Variants in XPO5 observed in about 807,000 individuals in gnomAD.
XPO5 encodes exportin 5.
XPO5 carries 46 observed loss-of-function variants against 160.6 expected under a neutral mutation model. The ratio of observed to expected loss-of-function variants is 0.29; its 90% confidence interval spans 0.23 to 0.37. The LOEUF is 0.37. Ranked by LOEUF, XPO5 falls within the 10% of genes least tolerant of loss-of-function variation. The pLI, the probability that XPO5 is intolerant of heterozygous loss-of-function variation, is 1.00. For missense variants in XPO5, 1,090 were observed against 1,463.9 expected (o/e 0.74, Z 4.17); for synonymous variants, 537 against 519.3 (o/e 1.03, Z -0.46).
chr6:43,557,878 C>T (rs1762187274), intron 12 of XPO5, among the ~76,000 whole-genome samples: 1 of 150,598 alleles, frequency 6.6e-6, no homozygotes, highest in South Asian at 2.1e-4. Flanking sequence ...GGCAGATGAC[C>T]TGAGGTCGGG....
intron 22 of XPO5, 48 bp from the exon 23 acceptor site, chr6:43,530,872 G>C (rs1395358332): frequency 1.3e-6 from 2 of 1,583,940 alleles, no homozygotes; most frequent in South Asian, 1.2e-5. Flanking sequence ...TCCAACATCT[G>C]TTACTGCCAG....
At chr6:43,571,892 A>G (rs963420973) in intron 3 of XPO5, among the ~76,000 whole-genome samples, 14 of 152,006 alleles carry the variant, frequency 9.2e-5, no homozygotes, top group African/African-American at 3.2e-4. Flanking sequence ...TTAGTATCAC[A>G]TAGTAGTTGT....
At chr6:43,562,157 T>C in intron 9 of XPO5, 90 bp downstream of exon 9, 6 of 997,774 alleles carry the variant, frequency 6.0e-6, no homozygotes, top group Non-Finnish European at 4.6e-6. Flanking sequence ...CTAAAATCAA[T>C]GACATTTGCA....
chr6:43,551,715 T>G (rs1022721858), intron 14 of XPO5, among the ~76,000 whole-genome samples: 4 of 151,886 alleles, frequency 2.6e-5, no homozygotes, highest in African/African-American at 7.3e-5. Flanking sequence ...TGTAGAGATG[T>G]TGTAGAAGTG....
chr6:43,539,047 G>A (rs1476809272), intron 20 of XPO5: 33 of 1,540,968 alleles, frequency 2.1e-5, no homozygotes, highest in Middle Eastern at 2.3e-4. Flanking sequence ...AGCAGTCATC[G>A]ATACCAGCCA....
At chr6:43,569,774 G>C (rs1166751350) in intron 5 of XPO5, among the ~76,000 whole-genome samples, 1 of 150,402 alleles carries the variant, frequency 6.6e-6, no homozygotes, top group Non-Finnish European at 1.5e-5. Context: ...AAGAACTTCT[G>C]AAAATAAAAT....
At chr6:43,524,755 G>A in intron 30 of XPO5, 76 bp downstream of exon 30, 2 of 1,592,656 alleles carry the variant, frequency 1.3e-6, no homozygotes. Context: ...CTGAATTTAG[G>A]ATAAGGCCCA....
intron 26 of XPO5, chr6:43,526,962 A>G: frequency 1.8e-6 from 1 of 550,374 alleles, no homozygotes; most frequent in East Asian, 3.0e-5. Flanking sequence ...AGCTGAGAGA[A>G]AATTACAGAA....
intron 20 of XPO5, 81 bp from the exon 21 acceptor site, chr6:43,534,088 CTACAGTTTCA>C (rs1794166905): frequency 9.1e-7 from 1 of 1,102,612 alleles, no homozygotes; most frequent in African/African-American, 1.6e-5. Context: ...TCCAGTGATA[CTACAGTTTCA>C]CACAGATCTG....
intron 3 of XPO5, among the ~76,000 whole-genome samples, chr6:43,571,362 G>A (rs1561888156): frequency 6.6e-6 from 1 of 151,782 alleles, no homozygotes; most frequent in Non-Finnish European, 1.5e-5. Flanking sequence ...GGTATGAAGG[G>A]GCAAATGAAT....
At chr6:43,530,296 C>T (rs138903975) in intron 23 of XPO5, among the ~76,000 whole-genome samples, 1 of 151,958 alleles carries the variant, frequency 6.6e-6, no homozygotes, top group East Asian at 1.9e-4. Flanking sequence ...TGATGGTGCA[C>T]ACCTGTAATC....
At chr6:43,559,251 C>G (rs1353274417) in intron 11 of XPO5, among the ~76,000 whole-genome samples, 2 of 152,080 alleles carry the variant, frequency 1.3e-5, no homozygotes, top group African/African-American at 4.8e-5. Context: ...GAGCCAAGAT[C>G]GTGCCACTGC....
intron 17 of XPO5, among the ~76,000 whole-genome samples, chr6:43,548,671 G>T (rs974150136): frequency 2.6e-5 from 4 of 151,642 alleles, no homozygotes; most frequent in Non-Finnish European, 5.9e-5. Flanking sequence ...TGAGTATTTG[G>T]ATAACTGCAC....
rs779847827 is a variant in XPO5 at position 43,562,266 on chromosome 6, T to C, written c.992A>G (p.Asn331Ser). ...RLCQVLCALGNQLCALLGADS... is the reference protein window; with the variant it reads ...RLCQVLCALGSQLCALLGADS... ...GCTCACCAGCAATGCACACAGCTGA[T>C]TGCCCAGCGCACACAACACCTGACA... is the stretch of plus-strand genomic sequence containing the variant. The change falls in exon 9 of 32, where the codon AAT becomes AGT. Residue 331 changes from asparagine to serine, a missense_variant. Asn to Ser is a conservative substitution (Grantham distance 46). Coordinates refer to ENST00000265351, the MANE Select transcript of XPO5 (RefSeq NM_020750.3). 1.0e-5 allele frequency: 16 copies of C among 1,607,582 alleles called. No individual in the cohort carries two copies. Among genetic ancestry groups the C allele is most frequent in the Admixed American group, 5.1e-5 (3 of 59,116 alleles).
At chr6:43,562,181 A>G in intron 9 of XPO5, 66 bp downstream of exon 9, 2 of 1,345,156 alleles carry the variant, frequency 1.5e-6, no homozygotes, top group Non-Finnish European at 2.1e-6. Flanking sequence ...CCTCATTGAA[A>G]CATAAGTTTC....
intron 3 of XPO5, 110 bp downstream of exon 3, chr6:43,572,396 C>A: frequency 9.7e-7 from 1 of 1,030,794 alleles, no homozygotes; most frequent in South Asian, 1.4e-5. Context: ...ATTTCTTGTG[C>A]TGTCTGACCT....
At chr6:43,546,789 G>GA in intron 19 of XPO5, 37 bp from the exon 20 acceptor site, 4 of 1,441,378 alleles carry the variant, frequency 2.8e-6, no homozygotes, top group Admixed American at 2.8e-5. Flanking sequence ...AATATTAAAA[G>GA]GAAAAAAAAA....
intron 18 of XPO5, 28 bp from the exon 19 acceptor site, chr6:43,547,735 T>A: frequency 6.3e-7 from 1 of 1,599,728 alleles, no homozygotes; most frequent in Non-Finnish European, 8.6e-7. Context: ...AAAAACAAGT[T>A]ACATCATGAC....
chr6:43,570,460 A>G, intron 5 of XPO5, 42 bp downstream of exon 5: 1 of 1,565,066 alleles, frequency 6.4e-7, no homozygotes. Context: ...AAAAACACTC[A>G]TATTGGAAAA....
Sources: allele counts gnomAD v4.1 joint callset (sites outside exome capture counted in the v4.1 genomes callset), GRCh38; gene constraint gnomAD v4.1.1; transcripts MANE v1.5; gene names NCBI Gene and HGNC (gene_info 2026-07-23, HGNC 2026-07-21).